Variants in PRKCB observed in about 807,000 individuals in gnomAD.
PRKCB encodes the protein protein kinase C beta type.
Under a neutral mutation model 81.5 loss-of-function variants are expected in PRKCB, and 13 were observed. That is an observed-to-expected ratio of 0.16 (90% confidence interval 0.10 to 0.25). PRKCB has a LOEUF of 0.25. PRKCB is among the 10% of genes least tolerant of loss of function. PRKCB has a pLI of 1.00. For missense variants in PRKCB, 509 were observed against 875.7 expected, an observed-to-expected ratio of 0.58 and a Z score of 5.29; for synonymous variants, 335 against 321.4, an observed-to-expected ratio of 1.04 and a Z score of -0.45.
At chr16:23,889,397 A>G (rs953928752) in intron 2 of PRKCB, among the ~76,000 whole-genome samples, 2 of 152,250 alleles carry the variant, frequency 1.3e-5, no homozygotes, top group Non-Finnish European at 2.9e-5. Context: ...AGTATGTGTA[A>G]GGTGCTTTCA....
At chr16:24,004,835 A>G (rs552155556) in intron 3 of PRKCB, among the ~76,000 whole-genome samples, 22 of 152,340 alleles carry the variant, frequency 1.4e-4, no homozygotes, top group Non-Finnish European at 2.8e-4. Flanking sequence ...TGACCTAAGA[A>G]TGACAATTCT....
intron 5 of PRKCB, among the ~76,000 whole-genome samples, chr16:24,084,732 T>C (rs2141895036): frequency 6.6e-6 from 1 of 152,214 alleles, no homozygotes; most frequent in Admixed American, 6.5e-5. Flanking sequence ...AAACATATAA[T>C]ACCAAAGATC....
intron 2 of PRKCB, among the ~76,000 whole-genome samples, chr16:23,877,463 C>A (rs1340959636): frequency 6.6e-6 from 1 of 152,158 alleles, no homozygotes; most frequent in East Asian, 1.9e-4. Flanking sequence ...CTTGTTGACC[C>A]CTCTACAATC....
At chr16:24,067,459 C>T (rs1003078500) in intron 5 of PRKCB, among the ~76,000 whole-genome samples, 2 of 151,964 alleles carry the variant, frequency 1.3e-5, no homozygotes, top group Non-Finnish European at 2.9e-5. Context: ...ATCACCACAC[C>T]CCACTAATGT....
chr16:23,864,422 T>C (rs1381164792), intron 2 of PRKCB, among the ~76,000 whole-genome samples: 1 of 152,220 alleles, frequency 6.6e-6, no homozygotes, highest in East Asian at 1.9e-4. Context: ...TGAGAACTCA[T>C]CTTGAAAAGA....
chr16:24,183,836 G>A (rs1451777395), intron 13 of PRKCB, among the ~76,000 whole-genome samples: 2 of 152,190 alleles, frequency 1.3e-5, no homozygotes, highest in African/African-American at 4.8e-5. Context: ...CTCTGACATG[G>A]TTAGTTTTAC....
At chr16:23,991,087 G>A (rs1964880996) in intron 3 of PRKCB, among the ~76,000 whole-genome samples, 3 of 152,326 alleles carry the variant, frequency 2.0e-5, no homozygotes, top group East Asian at 3.9e-4. Flanking sequence ...CTTGCCCAAA[G>A]TGAGTAGTGA....
chr16:24,209,317 A>T (rs1237393325), intron 16 of PRKCB, among the ~76,000 whole-genome samples: 1 of 145,510 alleles, frequency 6.9e-6, no homozygotes, highest in African/African-American at 2.8e-5. Context: ...TCCCCTTTCT[A>T]CAGTCCTAAG....
In PRKCB at chr16:24,092,837, A is replaced by G; in HGVS notation, c.576A>G (p.Ser192=). The G allele has an allele frequency of 6.2e-7, 1 of 1,614,198 alleles. No individual in the cohort carries two copies. The highest frequency in any genetic ancestry group is 8.5e-7 in the Non-Finnish European group (1 of 1,180,036). Residue 192 remains serine, a synonymous_variant, in exon 6 of 17, where the codon TCA becomes TCG. Transcript: ENST00000643927. The part of the protein sequence containing the change: ...NLVPMDPNGL[S]DPYVKLKLIP... ...TACCTATGGACCCCAATGGCCTGTCAGATCCCTACGTAAAACTGAAACTGA... is the reference window on the plus strand; with the variant it reads ...TACCTATGGACCCCAATGGCCTGTCGGATCCCTACGTAAAACTGAAACTGA...
intron 5 of PRKCB, among the ~76,000 whole-genome samples, chr16:24,050,980 T>G (rs2141870008): frequency 6.6e-6 from 1 of 152,242 alleles, no homozygotes; most frequent in East Asian, 1.9e-4. Flanking sequence ...CTGATGCATT[T>G]CATCTTGTAG....
At position 24,185,498 on chromosome 16, in the gene PRKCB, A is replaced by T. The variant is rs1258568565; in HGVS notation, c.1653A>T (p.Gln551His). The T allele has an allele frequency of 1.2e-6, 2 of 1,613,978 alleles. No individual in the cohort carries two copies. Among genetic ancestry groups the T allele is most frequent in the South Asian group, 2.2e-5 (2 of 91,082 alleles). The change falls in exon 15 of 17, where the codon CAA (glutamine) becomes CAT (histidine). Residue 551 changes from glutamine to histidine, a missense_variant. This residue lies in a region of PRKCB where 104 missense variants were observed against 160.5 expected (regional missense o/e 0.65). Coordinates refer to ENST00000643927, the MANE Select transcript of PRKCB (RefSeq NM_002738.7). ...GGGAGGATGAAGATGAACTCTTCCA[A>T]TCCATCATGGAACACAACGTAGCCT... ...FEGEDEDELF[Q>H]SIMEHNVAYP...
chr16:23,886,406 G>GTTTTTTTTTTTTTTTTTTTTTTTTTTTTT (rs398029038), intron 2 of PRKCB, among the ~76,000 whole-genome samples: 1 of 70,202 alleles, frequency 1.4e-5, no homozygotes, highest in Non-Finnish European at 2.5e-5. Context: ...TGTGTTAGGT[G>GTTTTTTTTTTTTTTTTTTTTTTTTTTTTT]TTTTTTTTTT....
chr16:24,026,192 GGCT>G (rs1382530775), intron 3 of PRKCB, among the ~76,000 whole-genome samples: 1 of 152,206 alleles, frequency 6.6e-6, no homozygotes, highest in Non-Finnish European at 1.5e-5. Context: ...CTGCTCAGGA[GGCT>G]GAGGTGGAAG....
intron 2 of PRKCB, among the ~76,000 whole-genome samples, chr16:23,979,877 A>T (rs968038268): frequency 1.3e-5 from 2 of 152,174 alleles, no homozygotes; most frequent in Non-Finnish European, 2.9e-5. Context: ...TGAGGTCAGG[A>T]GTTTGAGACC....
At chr16:24,009,582 G>A (rs931832025) in intron 3 of PRKCB, among the ~76,000 whole-genome samples, 2 of 142,904 alleles carry the variant, frequency 1.4e-5, no homozygotes, top group African/African-American at 2.6e-5. Context: ...GAGCCACCAC[G>A]CCCGGCCTAT....
At chr16:23,919,150 T>C (rs545837631) in intron 2 of PRKCB, among the ~76,000 whole-genome samples, 1 of 152,238 alleles carries the variant, frequency 6.6e-6, no homozygotes, top group African/African-American at 2.4e-5. Flanking sequence ...ATCCATCAAG[T>C]ATATCTTTGA....
intron 2 of PRKCB, among the ~76,000 whole-genome samples, chr16:23,967,069 C>G (rs777191434): frequency 6.6e-6 from 1 of 151,456 alleles, no homozygotes; most frequent in Non-Finnish European, 1.5e-5. Flanking sequence ...CAGTTTGCAG[C>G]CCCTGCCTTA....
At chr16:23,849,686 CT>C (rs11327961) in intron 2 of PRKCB, among the ~76,000 whole-genome samples, 87,825 of 151,612 alleles carry the variant, frequency 0.58, 25,527 homozygotes, top group South Asian at 0.62. Flanking sequence ...TGGTGGCTAG[CT>C]TTTTTTAAAA....
chr16:24,181,677 G>A (rs527989190), intron 13 of PRKCB, among the ~76,000 whole-genome samples: 3 of 147,856 alleles, frequency 2.0e-5, no homozygotes, highest in African/African-American at 7.5e-5. Context: ...TGAGGTAAGA[G>A]AATCACCTGA....
Sources: allele counts gnomAD v4.1 joint callset (sites outside exome capture counted in the v4.1 genomes callset), GRCh38; gene constraint gnomAD v4.1.1; regional missense constraint gnomAD v4.1.1; transcripts MANE v1.5; gene names NCBI Gene and HGNC (gene_info 2026-07-23, HGNC 2026-07-21).